LRRTM4: variants seen among roughly 807,000 people sequenced by gnomAD.
LRRTM4 encodes the protein leucine rich repeat transmembrane neuronal 4, also known as leucine-rich repeat transmembrane neuronal protein 4.
In LRRTM4, 25 loss-of-function variants were observed where a neutral mutation model predicts 47.6. That is an observed-to-expected ratio of 0.53 (90% CI 0.38 to 0.73). The LOEUF (loss-of-function observed/expected upper bound fraction) is 0.73, where lower values mean the gene tolerates loss of function less well. Ranked by LOEUF, LRRTM4 falls within the 30% of genes least tolerant of loss-of-function variation. LRRTM4 has a pLI of 0.00. For missense variants in LRRTM4, 638 were observed against 713.4 expected (o/e 0.89, Z 1.20); for synonymous variants, 311 against 269.5 (o/e 1.15, Z -1.51).
At chr2:76,834,053 T>TATTTA (rs1173088091) in intron 3 of LRRTM4, among the ~76,000 whole-genome samples, 56 of 150,138 alleles carry the variant, frequency 3.7e-4, no homozygotes, top group African/African-American at 1.3e-3. Context: ...TTTATTTATT[T>TATTTA]ATTTTGAGAT....
chr2:77,278,449 A>G (rs560637195), intron 3 of LRRTM4, among the ~76,000 whole-genome samples: 8 of 152,074 alleles, frequency 5.3e-5, no homozygotes, highest in African/African-American at 1.9e-4. Flanking sequence ...GTACTTTTAA[A>G]TATGTATGCT....
chr2:76,774,497 G>C (rs1331412830), intron 3 of LRRTM4, among the ~76,000 whole-genome samples: 1 of 152,156 alleles, frequency 6.6e-6, no homozygotes, highest in South Asian at 2.1e-4. Context: ...GCCAATAAAA[G>C]AGAACATTAT....
chr2:77,175,074 CTTTTTTT>C (rs34057321), intron 3 of LRRTM4, among the ~76,000 whole-genome samples: 16 of 138,408 alleles, frequency 1.2e-4, no homozygotes, highest in Admixed American at 5.8e-4. Context: ...TTTCTTTTTT[CTTTTTTT>C]TTTTTTTTGA....
intron 3 of LRRTM4, among the ~76,000 whole-genome samples, chr2:76,761,501 T>C (rs62170447): frequency 0.12 from 18,169 of 152,226 alleles, 1,398 homozygotes; most frequent in East Asian, 0.17. Context: ...AAATAGCTAC[T>C]TGTAGGTGAA....
intron 3 of LRRTM4, among the ~76,000 whole-genome samples, chr2:77,082,023 T>G (rs1680549915): frequency 6.6e-6 from 1 of 152,204 alleles, no homozygotes; most frequent in Non-Finnish European, 1.5e-5. Context: ...GATTTAGCAT[T>G]ACCTAGTTTA....
rs1255571427 is a variant in LRRTM4, at chr2:77,169,476, T to C, written c.1551+348842A>G. Among the ~76,000 whole-genome samples, 5 of 152,170 alleles carry C rather than the reference T, an allele frequency of 3.3e-5. No homozygotes were observed. In the South Asian group the frequency reaches 6.2e-4, roughly 19 times the overall value. On this transcript the variant is annotated intron_variant, in intron 3 of 3. Coordinates refer to ENST00000409884, the MANE Select transcript of LRRTM4 (RefSeq NM_001134745.3). ...CTCCAAAATTTATGTTGAAATTTCA[T>C]TGACATTGTGATGGTATGAAGAGTT...
At position 77,081,037 on chromosome 2, in the gene LRRTM4, T is replaced by G. The variant is rs144974454; in HGVS notation, c.1552-332121A>C. On this transcript the variant is annotated intron_variant, in intron 3 of 3. Coordinates refer to ENST00000409884, the MANE Select transcript of LRRTM4 (RefSeq NM_001134745.3). Reference sequence around the variant, plus strand: ...TTATTTTCTTGCTTTAATTGCAATTTCTCAATGCCTCCCATGCTGCTTATG... The same window carrying G: ...TTATTTTCTTGCTTTAATTGCAATTGCTCAATGCCTCCCATGCTGCTTATG... 8.5e-5 allele frequency among the ~76,000 whole-genome samples: 13 copies of G among 152,304 alleles called. No individual in the cohort carries two copies. The East Asian group carries it at 2.5e-3, about 29-fold the overall frequency.
At chr2:77,521,918 G>A (rs1286889039) in intron 1 of LRRTM4, 100 bp from the exon 2 acceptor site, 2 of 514,010 alleles carry the variant, frequency 3.9e-6, no homozygotes, top group Non-Finnish European at 6.9e-6. Flanking sequence ...GGATGGTTGT[G>A]GGGGCAGGGA....
At chr2:76,817,317 T>C (rs1257082512) in intron 3 of LRRTM4, among the ~76,000 whole-genome samples, 1 of 151,906 alleles carries the variant, frequency 6.6e-6, no homozygotes, top group Non-Finnish European at 1.5e-5. Flanking sequence ...TTGATTTAGG[T>C]TGTTGCTAAG....
At chr2:77,061,711 T>A (rs1679791529) in intron 3 of LRRTM4, among the ~76,000 whole-genome samples, 1 of 152,210 alleles carries the variant, frequency 6.6e-6, no homozygotes, top group Admixed American at 6.5e-5. Flanking sequence ...ATCCTCCATA[T>A]TGAAAGACCT....
At chr2:77,004,344 C>T (rs1677552980) in intron 3 of LRRTM4, among the ~76,000 whole-genome samples, 1 of 152,182 alleles carries the variant, frequency 6.6e-6, no homozygotes, top group Admixed American at 6.5e-5. Context: ...ATCCCAACTG[C>T]TCTAGTCATG....
At chr2:77,085,807 T>A (rs1680691387) in intron 3 of LRRTM4, among the ~76,000 whole-genome samples, 1 of 152,302 alleles carries the variant, frequency 6.6e-6, no homozygotes, top group African/African-American at 2.4e-5. Flanking sequence ...ACAAACTGAT[T>A]AGCTAATGTA....
At chr2:77,280,725 G>T (rs570979381) in intron 3 of LRRTM4, among the ~76,000 whole-genome samples, 1 of 151,958 alleles carries the variant, frequency 6.6e-6, no homozygotes, top group Admixed American at 6.6e-5. Context: ...TAGACTATGA[G>T]AATTAAGAAT....
chr2:77,435,806 C>T (rs1213512168), intron 3 of LRRTM4, among the ~76,000 whole-genome samples: 1 of 152,132 alleles, frequency 6.6e-6, no homozygotes, highest in East Asian at 1.9e-4. Flanking sequence ...GGACACAAAA[C>T]CTTCATATAG....
At chr2:77,097,793 G>A (rs1454452890) in intron 3 of LRRTM4, among the ~76,000 whole-genome samples, 2 of 151,774 alleles carry the variant, frequency 1.3e-5, no homozygotes, top group Non-Finnish European at 2.9e-5. Flanking sequence ...AGAACAATGT[G>A]ACACAAAAAT....
intron 3 of LRRTM4, among the ~76,000 whole-genome samples, chr2:76,908,300 T>C (rs964449037): frequency 1.4e-4 from 21 of 152,156 alleles, no homozygotes; most frequent in Non-Finnish European, 2.4e-4. Flanking sequence ...ACAACCTTCA[T>C]GCTAAAAACT....
intron 3 of LRRTM4, among the ~76,000 whole-genome samples, chr2:77,380,480 T>G (rs905584994): frequency 1.3e-5 from 2 of 152,126 alleles, no homozygotes; most frequent in Admixed American, 1.3e-4. Context: ...TGGCAGAAAT[T>G]TAAACTTGCA....
intron 3 of LRRTM4, among the ~76,000 whole-genome samples, chr2:76,835,888 T>C (rs900072699): frequency 6.6e-6 from 1 of 151,914 alleles, no homozygotes; most frequent in Non-Finnish European, 1.5e-5. Context: ...TATTTTGGAG[T>C]GAATAATCAT....
intron 3 of LRRTM4, among the ~76,000 whole-genome samples, chr2:77,054,395 T>C (rs1679535724): frequency 6.6e-6 from 1 of 152,110 alleles, no homozygotes; most frequent in Admixed American, 6.5e-5. Context: ...CACTCTTATT[T>C]CCAAATAACA....
Sources: allele counts gnomAD v4.1 joint callset (sites outside exome capture counted in the v4.1 genomes callset), GRCh38; gene constraint gnomAD v4.1.1; transcripts MANE v1.5; gene names NCBI Gene and HGNC (gene_info 2026-07-23, HGNC 2026-07-21).